Variants in SAMD12 observed in about 807,000 individuals in gnomAD.
SAMD12 encodes sterile alpha motif domain containing 12, also known as sterile alpha motif domain-containing protein 12.
A neutral mutation model predicts 15.0 loss-of-function variants in SAMD12; 9 were observed. That is an observed-to-expected ratio of 0.60 (90% CI 0.36 to 1.05). The LOEUF is 1.05. Among genes scored for constraint, SAMD12 ranks in the 50% least tolerant of loss-of-function variants. The pLI, the probability that SAMD12 is intolerant of heterozygous loss-of-function variation, is 0.01. For missense variants in SAMD12, 230 were observed against 234.2 expected (o/e 0.98, Z 0.12); for synonymous variants, 86 against 90.1 (o/e 0.96, Z 0.25).
At chr8:118,291,051 T>C (rs1040897369) in intron 4 of SAMD12, among the ~76,000 whole-genome samples, 3 of 152,216 alleles carry the variant, frequency 2.0e-5, no homozygotes, top group African/African-American at 7.2e-5. Flanking sequence ...AATGTTGGCT[T>C]ACAAATTTAT....
the SAMD12 span, among the ~76,000 whole-genome samples, chr8:118,166,861 T>C: frequency 6.6e-6 from 1 of 152,320 alleles, no homozygotes; most frequent in Non-Finnish European, 1.5e-5. Flanking sequence ...CCCTTATGTA[T>C]ATCTGGGTGT....
At chr8:118,281,324 T>C (rs1813638642) in intron 4 of SAMD12, among the ~76,000 whole-genome samples, 1 of 152,174 alleles carries the variant, frequency 6.6e-6, no homozygotes, top group African/African-American at 2.4e-5. Context: ...TGCATGTGTC[T>C]AGTGGGGAGG....
At chr8:118,323,290 TGA>T (rs751298809) in intron 4 of SAMD12, among the ~76,000 whole-genome samples, 77 of 152,276 alleles carry the variant, frequency 5.1e-4, no homozygotes, top group Non-Finnish European at 5.0e-4. Flanking sequence ...TTATAAATTG[TGA>T]GAGATAGATC....
intron 4 of SAMD12, among the ~76,000 whole-genome samples, chr8:118,270,041 A>AT (rs1376928947): frequency 1.3e-5 from 2 of 152,180 alleles, no homozygotes; most frequent in Admixed American, 6.5e-5. Context: ...GCTTTTAACG[A>AT]TGGTGGAAGA....
intron 4 of SAMD12, among the ~76,000 whole-genome samples, chr8:118,276,034 T>C (rs1221559656): frequency 1.3e-5 from 2 of 152,206 alleles, no homozygotes; most frequent in African/African-American, 4.8e-5. Flanking sequence ...TGCATGTGTA[T>C]ACAAAATAGA....
intron 1 of SAMD12, among the ~76,000 whole-genome samples, chr8:118,589,947 A>C (rs1563600392): frequency 6.6e-6 from 1 of 152,196 alleles, no homozygotes; most frequent in African/African-American, 2.4e-5. Flanking sequence ...AATGATGGAC[A>C]TTATATATGA....
intron 3 of SAMD12, among the ~76,000 whole-genome samples, chr8:118,412,277 GA>G (rs1449790436): frequency 6.6e-6 from 1 of 152,124 alleles, no homozygotes; most frequent in African/African-American, 2.4e-5. Context: ...AGATTGAGAG[GA>G]ACTATACCTA....
At chr8:118,393,624 G>A (rs1285348535) in intron 3 of SAMD12, among the ~76,000 whole-genome samples, 2 of 150,716 alleles carry the variant, frequency 1.3e-5, no homozygotes, top group African/African-American at 4.9e-5. Flanking sequence ...TTGAGACAGA[G>A]TTTTGCTCTT....
At chr8:118,385,654 C>T (rs1819915670) in intron 3 of SAMD12, among the ~76,000 whole-genome samples, 1 of 152,138 alleles carries the variant, frequency 6.6e-6, no homozygotes, top group Non-Finnish European at 1.5e-5. Context: ...GGGGGTGTCT[C>T]TCCTGTCAGG....
intron 4 of SAMD12, among the ~76,000 whole-genome samples, chr8:118,308,588 C>T (rs62532672): frequency 2.6e-5 from 4 of 152,148 alleles, no homozygotes; most frequent in African/African-American, 9.7e-5. Flanking sequence ...ACAATATTTT[C>T]CCAGCTAAAT....
chr8:118,431,783 AT>A (rs1173320362), intron 3 of SAMD12, among the ~76,000 whole-genome samples: 1 of 151,864 alleles, frequency 6.6e-6, no homozygotes, highest in Admixed American at 6.6e-5. Flanking sequence ...AACTTCTTGG[AT>A]ATGTGGTTCA....
the SAMD12 span, among the ~76,000 whole-genome samples, chr8:118,156,500 G>A: frequency 6.6e-6 from 1 of 152,056 alleles, no homozygotes; most frequent in African/African-American, 2.4e-5. Flanking sequence ...GTTTTGAAAG[G>A]GCTCTATGTG....
chr8:118,215,167 AG>A (rs1464588076), intron 4 of SAMD12, among the ~76,000 whole-genome samples: 1 of 152,256 alleles, frequency 6.6e-6, no homozygotes, highest in African/African-American at 2.4e-5. Flanking sequence ...GGCAAACTAT[AG>A]CCCCTGTAGG....
At chr8:118,335,963 A>C (rs1231172867) in intron 4 of SAMD12, among the ~76,000 whole-genome samples, 1 of 152,162 alleles carries the variant, frequency 6.6e-6, no homozygotes, top group African/African-American at 2.4e-5. Flanking sequence ...GGGCTCAAGC[A>C]ATCCATTGCT....
At chr8:118,377,690 G>A (rs1165027801), downstream of SAMD12, among the ~76,000 whole-genome samples, 1 of 152,234 alleles carries the variant, frequency 6.6e-6, no homozygotes, top group Middle Eastern at 3.4e-3. Context: ...AGGGCAATGA[G>A]AGCTGTAGAA....
chr8:118,185,141 GA>G (rs1563683304), downstream of SAMD12, among the ~76,000 whole-genome samples: 1 of 152,076 alleles, frequency 6.6e-6, no homozygotes, highest in African/African-American at 2.4e-5. Context: ...TTTGTAAAAT[GA>G]AAACATACCC....
chr8:118,388,739 C>T (rs527623910), intron 3 of SAMD12, among the ~76,000 whole-genome samples: 24 of 152,258 alleles, frequency 1.6e-4, no homozygotes, highest in African/African-American at 5.3e-4. Flanking sequence ...GAAGAAAGTT[C>T]TCTTTCTATC....
At position 118,621,890 on chromosome 8, in the gene SAMD12, C is replaced by T. The variant is rs753303476; in HGVS notation, c.-74G>A. On this transcript the variant is annotated 5_prime_UTR_variant, in exon 1 of 4. Coordinates refer to ENST00000314727, the MANE Select transcript of SAMD12 (RefSeq NM_207506.3). ...TCCTCCTGCCCCGCGCTCCCCCCTT[C>T]CTCTCGCTTTCGCCTAAATATTCTG... 1 of 1,523,936 alleles carries T rather than the reference C, an allele frequency of 6.6e-7. No homozygotes were observed. Among genetic ancestry groups the T allele is most frequent in the Admixed American group, 1.7e-5 (1 of 59,886 alleles). 94.4% of individuals were successfully genotyped at this position (1,523,936 alleles called of 1,614,324 possible).
At chr8:118,362,717 T>G (rs1818568891) in intron 4 of SAMD12, among the ~76,000 whole-genome samples, 1 of 152,226 alleles carries the variant, frequency 6.6e-6, no homozygotes, top group Non-Finnish European at 1.5e-5. Flanking sequence ...CAAACCCTCA[T>G]GGTCACTGTT....
Sources: allele counts gnomAD v4.1 joint callset (sites outside exome capture counted in the v4.1 genomes callset), GRCh38; gene constraint gnomAD v4.1.1; transcripts MANE v1.5; gene names NCBI Gene and HGNC (gene_info 2026-07-23, HGNC 2026-07-21).